Variants in CRTAM observed in about 807,000 individuals in gnomAD.
CRTAM encodes cytotoxic and regulatory T-cell molecule.
In CRTAM, 44 loss-of-function variants were observed where a neutral mutation model predicts 50.0. The ratio of observed to expected loss-of-function variants is 0.88; its 90% confidence interval spans 0.69 to 1.13. The LOEUF is 1.13. Among genes scored for constraint, CRTAM ranks in the 50% most tolerant of loss-of-function variants. The pLI is 0.00. For synonymous variants in CRTAM, 159 were observed against 169.3 expected (o/e 0.94, Z 0.47); for missense variants, 448 against 457.5 (o/e 0.98, Z 0.19).
At chr11:122,864,268 G>T (rs1361984802) in intron 6 of CRTAM, among the ~76,000 whole-genome samples, 1 of 152,192 alleles carries the variant, frequency 6.6e-6, no homozygotes, top group East Asian at 1.9e-4. Context: ...GGGCTCTAGA[G>T]TTAGGTAAAA....
chr11:122,860,956 C>A (rs1341371899), intron 5 of CRTAM, among the ~76,000 whole-genome samples: 2 of 152,188 alleles, frequency 1.3e-5, no homozygotes, highest in East Asian at 1.9e-4. Context: ...CTCGGCCCCC[C>A]ACAGAACTGG....
intron 5 of CRTAM, among the ~76,000 whole-genome samples, chr11:122,856,412 C>G (rs999859114): frequency 1.3e-5 from 2 of 152,222 alleles, no homozygotes; most frequent in African/African-American, 4.8e-5. Flanking sequence ...CCTCCATTCT[C>G]AGAACCTCTA....
Position 122,871,405 on chromosome 11 carries a change from T to C in CRTAM, c.*6T>C. ...TACCAGAGAGTATTGTGTAGTGCTC[T>C]CTGCAATGGAACATGTGATTTCAGG... On this transcript the variant is annotated 3_prime_UTR_variant, in exon 10 of 10. Transcript: ENST00000227348. 1.9e-6 allele frequency: 3 copies of C among 1,606,196 alleles called. No individual in the cohort carries two copies. Among genetic ancestry groups the C allele is most frequent in the Non-Finnish European group, 2.6e-6 (3 of 1,176,280 alleles).
At chr11:122,867,273 A>G (rs1353257298) in intron 7 of CRTAM, 136 bp from the exon 8 acceptor site, 2 of 691,464 alleles carry the variant, frequency 2.9e-6, no homozygotes, top group Non-Finnish European at 4.7e-6. Flanking sequence ...CTTCAGGGGT[A>G]AGCTCTTTCT....
chr11:122,850,103 G>T lies in CRTAM; in HGVS notation c.82G>T (p.Val28Leu). 2 of 1,612,742 alleles carry T rather than the reference G, an allele frequency of 1.2e-6. No individual in the cohort carries two copies. The highest frequency in any genetic ancestry group is 1.7e-6 in the Non-Finnish European group (2 of 1,179,250). Residue 28 changes from valine (V) to leucine (L), a missense_variant, in exon 2 of 10, where the codon GTG becomes TTG. Val to Leu is a conservative substitution (Grantham distance 32). Transcript: ENST00000227348. ...GACTAACCACACAGAAACCATCACC[G>T]TGGAGGAAGGCCAGACGCTCACTCT... Reference protein sequence around the residue: ...SLTNHTETITVEEGQTLTLKC... With the variant: ...SLTNHTETITLEEGQTLTLKC...
At chr11:122,858,000 T>C (rs968062384) in intron 5 of CRTAM, among the ~76,000 whole-genome samples, 2 of 152,146 alleles carry the variant, frequency 1.3e-5, no homozygotes, top group African/African-American at 4.8e-5. Flanking sequence ...AGCCTCAATC[T>C]TCCAGGTTCA....
chr11:122,851,719 C>T lies in CRTAM; in HGVS notation c.220C>T (p.Leu74Phe), dbSNP rs747890712. 10 of 1,614,044 alleles carry T rather than the reference C, an allele frequency of 6.2e-6. No individual in the cohort carries two copies. The highest frequency in any genetic ancestry group is 8.5e-7 in the Non-Finnish European group (1 of 1,180,008). Residue 74 changes from leucine to phenylalanine, a missense_variant, in exon 3 of 10, where the codon CTT (leucine) becomes TTT (phenylalanine). Coordinates refer to ENST00000227348, the MANE Select transcript of CRTAM (RefSeq NM_019604.4). ...TTTAAAAAATTCCAAATACCAGCTT[C>T]TTCATCACTCGGCCAATCAGCTCTC... is the stretch of plus-strand genomic sequence containing the variant. ...PALKNSKYQL[L>F]HHSANQLSIT...
chr11:122,838,688 C>A, intron 1 of CRTAM, 96 bp downstream of exon 1: 1 of 1,134,484 alleles, frequency 8.8e-7, no homozygotes, highest in Non-Finnish European at 1.3e-6. Flanking sequence ...AGAGGAGCTG[C>A]TGTAGAAGAC....
intron 9 of CRTAM, among the ~76,000 whole-genome samples, chr11:122,869,523 G>C (rs912653216): frequency 2.0e-5 from 3 of 152,200 alleles, no homozygotes; most frequent in Non-Finnish European, 4.4e-5. Context: ...TATGGGAAGT[G>C]GAGGTTGGGG....
rs750458554 is a variant in CRTAM, at chr11:122,867,415, A to G, written c.824A>G (p.Asn275Ser). 1.9e-6 allele frequency: 3 copies of G among 1,611,474 alleles called. No individual in the cohort carries two copies. The highest frequency in any genetic ancestry group is 1.7e-5 in the Admixed American group (1 of 59,184). The part of the protein sequence containing the change: ...TQDPDLTTEA[N>S]PQYLGLARKK... ...TTTTTCATTTTCCTTATAGAAGCAA[A>G]TCCTCAGTATTTAGGACTGGCAAGA... Residue 275 changes from asparagine (N) to serine (S), a missense_variant, in exon 8 of 10, where the codon AAT becomes AGT. Coordinates refer to ENST00000227348, the MANE Select transcript of CRTAM (RefSeq NM_019604.4).
chr11:122,856,117 GATA>G (rs766553991), intron 5 of CRTAM, among the ~76,000 whole-genome samples: 7 of 152,272 alleles, frequency 4.6e-5, no homozygotes, highest in East Asian at 1.9e-4. Flanking sequence ...CTTGCTTTTT[GATA>G]ATGACTTTAA....
rs184040802 is a variant in CRTAM, at chr11:122,860,092, G to C, written c.653-2372G>C. Among the ~76,000 whole-genome samples, 157 of 152,318 alleles carry C rather than the reference G, an allele frequency of 1.0e-3. 1 individual carries two copies. Among genetic ancestry groups the C allele is most frequent in the African/African-American group, 3.8e-3 (156 of 41,582 alleles). On this transcript the variant is annotated intron_variant, in intron 5 of 9. Coordinates refer to ENST00000227348, the MANE Select transcript of CRTAM (RefSeq NM_019604.4). ...GATGGAGTCTTGCTCTTGTCGTTCA[G>C]ACTGGAGTGCAATGGTGCTATCTCA...
Position 122,855,689 on chromosome 11 carries a change from A to G in CRTAM, c.491-6A>G. The G allele has an allele frequency of 6.2e-7, 1 of 1,613,728 alleles. No homozygotes were observed. The highest frequency in any genetic ancestry group is 8.5e-7 in the Non-Finnish European group (1 of 1,179,702). On this transcript the variant is annotated splice_region_variant and splice_polypyrimidine_tract_variant and intron_variant, in intron 4 of 9. Transcript: ENST00000227348. Reference sequence around the variant, plus strand: ...ATAGCCATAACCTCTTCAAATTGCTACATAGGTGGAACGCTCCATGAATTT... The same window carrying G: ...ATAGCCATAACCTCTTCAAATTGCTGCATAGGTGGAACGCTCCATGAATTT...
intron 5 of CRTAM, among the ~76,000 whole-genome samples, chr11:122,859,595 A>G (rs2135245136): frequency 6.6e-6 from 1 of 152,312 alleles, no homozygotes; most frequent in East Asian, 1.9e-4. Flanking sequence ...AAATAAATAT[A>G]TAAAAATTCA....
chr11:122,852,950 G>A (rs1415273961), intron 3 of CRTAM, among the ~76,000 whole-genome samples: 1 of 152,160 alleles, frequency 6.6e-6, no homozygotes, highest in Non-Finnish European at 1.5e-5. Context: ...GAAGAGCTCA[G>A]TTCTGGACTG....
chr11:122,867,381 C>A, intron 7 of CRTAM, 28 bp from the exon 8 acceptor site: 2 of 1,560,228 alleles, frequency 1.3e-6, no homozygotes, highest in South Asian at 1.2e-5. Flanking sequence ...CCCAAAGTAT[C>A]TAAACTCCTT....
chr11:122,842,671 C>G (rs1861813450), intron 1 of CRTAM, among the ~76,000 whole-genome samples: 1 of 152,010 alleles, frequency 6.6e-6, no homozygotes, highest in African/African-American at 2.4e-5. Context: ...TTACAGTGGT[C>G]CAGGAAAGAA....
chr11:122,861,388 A>G (rs111381114), intron 5 of CRTAM, among the ~76,000 whole-genome samples: 34 of 23,674 alleles, frequency 1.4e-3, no homozygotes, highest in Admixed American at 4.3e-3. Context: ...ACATATACGT[A>G]TATATATATA....
At chr11:122,840,701 G>C (rs1398924784) in intron 1 of CRTAM, among the ~76,000 whole-genome samples, 3 of 151,972 alleles carry the variant, frequency 2.0e-5, no homozygotes, top group Non-Finnish European at 4.4e-5. Flanking sequence ...CATCAGTTTT[G>C]GCAAAGCTAT....
Sources: gnomAD v4.1 joint callset for allele counts (sites outside exome capture counted in the v4.1 genomes callset) on GRCh38, gnomAD v4.1.1 for gene constraint, MANE v1.5 for transcripts, NCBI Gene and HGNC (gene_info 2026-07-23, HGNC 2026-07-21) for gene names.